MYO19: variants seen among roughly 807,000 people sequenced by gnomAD.
MYO19 encodes the protein unconventional myosin-XIX.
Under a neutral mutation model 129.2 loss-of-function variants are expected in MYO19, and 132 were observed. The observed-to-expected ratio is 1.02, with a 90% CI of 0.89 to 1.18. MYO19 has a LOEUF of 1.18. Among genes scored for constraint, MYO19 ranks in the 50% most tolerant of loss-of-function variants. The pLI is 0.00. For missense variants in MYO19, 1,210 were observed against 1,216.7 expected (o/e 0.99, Z 0.08); for synonymous variants, 531 against 477.2 (o/e 1.11, Z -1.47).
At chr17:36,537,921 C>T (rs763768682), upstream of MYO19, 3 of 1,613,948 alleles carry the variant, frequency 1.9e-6, no homozygotes, top group African/African-American at 2.7e-5. Context: ...ATTATACCAG[C>T]TAGCCCTTGA....
At chr17:36,512,716 A>G in intron 11 of MYO19, 2 of 1,288,920 alleles carry the variant, frequency 1.6e-6, no homozygotes, top group Non-Finnish European at 2.0e-6. Flanking sequence ...CTGCATTGCT[A>G]CCTCCCTGAA....
chr17:36,508,142 A>C (rs1291703315), intron 14 of MYO19: 6 of 407,170 alleles, frequency 1.5e-5, no homozygotes, highest in Non-Finnish European at 2.2e-5. Context: ...TGTAGAGCTC[A>C]GAGCAAGCAG....
chr17:36,517,124 T>C (rs2072807331), intron 6 of MYO19, among the ~76,000 whole-genome samples: 1 of 152,234 alleles, frequency 6.6e-6, no homozygotes, highest in Admixed American at 6.5e-5. Flanking sequence ...AATTGTATAA[T>C]TTCTTGGCAT....
chr17:36,500,777 C>T, intron 23 of MYO19, 53 bp downstream of exon 23: 1 of 1,563,264 alleles, frequency 6.4e-7, no homozygotes, highest in Non-Finnish European at 8.7e-7. Context: ...TCAAAGGAAA[C>T]CAACATCCTG....
chr17:36,516,177 T>G (rs2072735191), intron 6 of MYO19, among the ~76,000 whole-genome samples, 187 bp from the exon 7 acceptor site: 1 of 152,144 alleles, frequency 6.6e-6, no homozygotes, highest in African/African-American at 2.4e-5. Context: ...AAAATGGGAG[T>G]AGACATCTGT....
chr17:36,498,957 C>T (rs1329640667), intron 24 of MYO19, 118 bp downstream of exon 24: 2 of 765,632 alleles, frequency 2.6e-6, no homozygotes, highest in Non-Finnish European at 4.4e-6. Context: ...CTCAGAGAGG[C>T]TAAACAACCT....
chr17:36,497,603 T>C, intron 25 of MYO19: 1 of 864,522 alleles, frequency 1.2e-6, no homozygotes, highest in Non-Finnish European at 1.4e-6. Context: ...TTTTTTTTTT[T>C]AGATGGACTC....
intron 14 of MYO19, 107 bp downstream of exon 14, chr17:36,508,955 A>G: frequency 1.1e-6 from 1 of 942,208 alleles, no homozygotes. Context: ...CAAAAAAGGG[A>G]AAGGAACTGC....
At chr17:36,534,178 C>G (rs532865609) in intron 1 of MYO19, 74 bp from the exon 2 acceptor site, 2 of 152,506 alleles carry the variant, frequency 1.3e-5, no homozygotes, top group African/African-American at 4.8e-5. Flanking sequence ...GATCACCAGT[C>G]CCTCCTTCTC....
In MYO19 at chr17:36,509,042, GCA is replaced by G; in HGVS notation, c.1231+18_1231+19del. The G allele has an allele frequency of 1.2e-6, 2 of 1,610,354 alleles. No individual in the cohort carries two copies. The highest frequency in any genetic ancestry group is 1.7e-6 in the Non-Finnish European group (2 of 1,177,358). On this transcript the variant is annotated intron_variant, in intron 14 of 25. Transcript: ENST00000614623. The stretch of plus-strand genomic sequence containing the variant: ...TTGCTCTTTTTCTGGAGTGCTCCCA[GCA>G]CAGTGAGGCCTTGCTACCTATGAAA...
Position 36,513,726 on chromosome 17 carries a change from C to G in MYO19, c.721-1G>C. 2 of 1,613,088 alleles carry G rather than the reference C, an allele frequency of 1.2e-6. No individual in the cohort carries two copies. The highest frequency in any genetic ancestry group is 1.7e-6 in the Non-Finnish European group (2 of 1,179,614). ...CGTCCTCACTGGCTCCTTTGCAAAT[C>G]TGTGGAGAAGGGTAGGTGGGAGGCT... is the stretch of plus-strand genomic sequence containing the variant. On this transcript the variant is annotated splice_acceptor_variant, in intron 9 of 25. Coordinates refer to ENST00000614623, the MANE Select transcript of MYO19 (RefSeq NM_001163735.2). LOFTEE classifies it high-confidence loss of function.
chr17:36,539,084 A>G (rs1208601758), upstream of MYO19: 1 of 167,536 alleles, frequency 6.0e-6, no homozygotes, highest in African/African-American at 2.4e-5. Context: ...TATCTCAACA[A>G]TAAAACCAAG....
At position 36,496,106 on chromosome 17, in the gene MYO19, G is replaced by T; in HGVS notation, c.*145C>A. The T allele has an allele frequency of 8.7e-7, 1 of 1,149,962 alleles. No individual in the cohort carries two copies. Among genetic ancestry groups the T allele is most frequent in the Non-Finnish European group, 1.2e-6 (1 of 804,584 alleles). 71.2% of individuals were successfully genotyped at this position (1,149,962 alleles called of 1,614,324 possible). A position where few individuals can be genotyped will look rare whatever the true frequency, so the allele number is the denominator to read the frequency against. ...GGCCCACTGACGCACTGGGCACGGG[G>T]CTCTGGGTCGAAGGCTGGAGCCGTC... is the stretch of plus-strand genomic sequence containing the variant. On this transcript the variant is annotated 3_prime_UTR_variant, in exon 26 of 26. Transcript: ENST00000614623.
Position 36,511,444 on chromosome 17 carries a change from T to G in MYO19, c.906A>C (p.Gly302=). Residue 302 remains glycine (G), a synonymous_variant, in exon 12 of 26, where the codon GGA becomes GGC. Transcript: ENST00000614623. ...ACTGGATATTGCCAAGGTGCAGCAG[T>G]CCAGCTAGGACCTGGGGGAAAGAAA... The part of the protein sequence containing the change: ...TQNNIFKVLA[G]LLHLGNIQFA... 6.4e-7 allele frequency: 1 copy of G among 1,562,292 alleles called. No individual in the cohort carries two copies. The highest frequency in any genetic ancestry group is 1.2e-5 in the South Asian group (1 of 84,562).
upstream of MYO19, chr17:36,538,514 C>CAGT: frequency 6.2e-7 from 1 of 1,613,764 alleles, no homozygotes; most frequent in South Asian, 1.1e-5. Context: ...CATTACACAG[C>CAGT]AGTACCTTGT....
At chr17:36,537,810 A>G, upstream of MYO19, 1 of 1,614,118 alleles carries the variant, frequency 6.2e-7, no homozygotes, top group Non-Finnish European at 8.5e-7. Flanking sequence ...AGTTCACTGG[A>G]ACTTTTTCTT....
rs372875519 is a variant in MYO19 at position 36,532,539 on chromosome 17, C to T, written c.-1G>A. The stretch of plus-strand genomic sequence containing the variant: ...GTTGAGGTTTTACCTGCTGGAGCAT[C>T]CTCCTTCAAAGTGGTCAGCCAGGGT... On this transcript the variant is annotated 5_prime_UTR_variant, in exon 3 of 26. Transcript: ENST00000614623. 1.9e-6 allele frequency: 3 copies of T among 1,554,870 alleles called. No individual in the cohort carries two copies. The highest frequency in any genetic ancestry group is 1.7e-6 in the Non-Finnish European group (2 of 1,148,762).
At chr17:36,544,437 C>T (rs1030584209), upstream of MYO19, among the ~76,000 whole-genome samples, 6 of 152,198 alleles carry the variant, frequency 3.9e-5, no homozygotes, top group Non-Finnish European at 7.3e-5. Context: ...TCTCTCACCC[C>T]CCGATGCTCG....
chr17:36,505,064 A>G (rs1243573181), intron 19 of MYO19: 1 of 738,668 alleles, frequency 1.4e-6, no homozygotes, highest in African/African-American at 1.7e-5. Context: ...ATGGCTCAAA[A>G]AAACAAGATG....
Sources: gnomAD v4.1 joint callset for allele counts (sites outside exome capture counted in the v4.1 genomes callset) on GRCh38, gnomAD v4.1.1 for gene constraint, MANE v1.5 for transcripts, NCBI Gene and HGNC (gene_info 2026-07-23, HGNC 2026-07-21) for gene names.